The following EHD4 variants were observed in gnomAD, a reference collection of about 807,000 sequenced individuals.
EHD4 encodes the protein EH domain containing 4.
Under a neutral mutation model 51.0 loss-of-function variants are expected in EHD4, and 37 were observed. That is an observed-to-expected ratio of 0.73 (90% CI 0.56 to 0.95). The LOEUF (loss-of-function observed/expected upper bound fraction) is 0.95. Among genes scored for constraint, EHD4 ranks in the 40% least tolerant of loss-of-function variants. EHD4 has a pLI of 0.00. For missense variants in EHD4, 632 were observed against 733.1 expected (o/e 0.86, Z 1.59); for synonymous variants, 297 against 317.3 (o/e 0.94, Z 0.68).
intron 2 of EHD4, among the ~76,000 whole-genome samples, chr15:41,952,377 C>T (rs1266038161): frequency 6.6e-6 from 1 of 152,156 alleles, no homozygotes; most frequent in Non-Finnish European, 1.5e-5. Context: ...CAACCCACTC[C>T]TCCAAATCAG....
chr15:41,916,194 T>C (rs1285713453), intron 4 of EHD4, among the ~76,000 whole-genome samples: 2 of 152,222 alleles, frequency 1.3e-5, no homozygotes, highest in African/African-American at 4.8e-5. Context: ...AGGGTTTCTG[T>C]GGATGGAGAC....
intron 3 of EHD4, among the ~76,000 whole-genome samples, chr15:41,934,562 C>T (rs866163089): frequency 2.3e-4 from 35 of 152,204 alleles, no homozygotes; most frequent in African/African-American, 7.9e-4. Context: ...GTGATCCTCT[C>T]GACTCAGCCT....
At position 41,901,379 on chromosome 15, in the gene EHD4, T is replaced by A. The variant is rs562275453; in HGVS notation, c.1090-198A>T. 4.6e-5 allele frequency among the ~76,000 whole-genome samples: 7 copies of A among 152,336 alleles called. No individual in the cohort carries two copies. In the South Asian group the frequency reaches 1.5e-3, roughly 32 times the overall value. On this transcript the variant is annotated intron_variant, in intron 5 of 5. Transcript: ENST00000220325. The stretch of plus-strand genomic sequence containing the variant: ...TTTTGGAACAAGAAACAAGTGTTTT[T>A]CCTATGGCAGCCAATCTCTGCTGGT...
chr15:41,917,005 G>A (rs1381771868), intron 4 of EHD4, among the ~76,000 whole-genome samples: 2 of 152,206 alleles, frequency 1.3e-5, no homozygotes, highest in South Asian at 2.1e-4. Flanking sequence ...AACCCAGGCC[G>A]CGCTGGCCCG....
intron 1 of EHD4, among the ~76,000 whole-genome samples, chr15:41,964,982 G>A (rs1261496820): frequency 2.0e-5 from 3 of 152,038 alleles, no homozygotes; most frequent in African/African-American, 7.2e-5. Flanking sequence ...ATGTTGCCCA[G>A]GCTGATCTTG....
chr15:41,916,138 C>G (rs555738411), intron 4 of EHD4, among the ~76,000 whole-genome samples: 9 of 152,290 alleles, frequency 5.9e-5, no homozygotes, highest in Non-Finnish European at 1.0e-4. Flanking sequence ...GAAAACTTAC[C>G]CTTTGCATGT....
At position 41,972,517 on chromosome 15, in the gene EHD4, A is replaced by G; in HGVS notation, c.-23T>C. The stretch of plus-strand genomic sequence containing the variant: ...CATCCTGCCGCCAGTCCACGCTCGG[A>G]TGGGACCCTGCTCCGGGTTCGACTC... On this transcript the variant is annotated 5_prime_UTR_variant, in exon 1 of 6. Coordinates refer to ENST00000220325, the MANE Select transcript of EHD4 (RefSeq NM_139265.4). The G allele has an allele frequency of 2.0e-6, 3 of 1,481,308 alleles. No homozygotes were observed. The highest frequency in any genetic ancestry group is 2.7e-5 in the East Asian group (1 of 36,942). 91.8% of individuals were successfully genotyped at this position (1,481,308 alleles called of 1,614,324 possible).
At chr15:41,913,708 T>C (rs1350889561) in intron 4 of EHD4, among the ~76,000 whole-genome samples, 1 of 152,226 alleles carries the variant, frequency 6.6e-6, no homozygotes, top group Admixed American at 6.5e-5. Flanking sequence ...CCCGGCTGGT[T>C]ACTCCTTACC....
intron 3 of EHD4, among the ~76,000 whole-genome samples, 172 bp from the exon 4 acceptor site, chr15:41,919,794 T>C (rs1704397): frequency 0.13 from 19,725 of 151,972 alleles, 1,989 homozygotes; most frequent in African/African-American, 0.28. Context: ...TGAATCCGGG[T>C]GGGAAGGACC....
At chr15:41,919,663 A>G (rs750488317) in intron 3 of EHD4, 41 bp from the exon 4 acceptor site, 1 of 1,482,928 alleles carries the variant, frequency 6.7e-7, no homozygotes, top group Non-Finnish European at 8.9e-7. Context: ...CCACTGCTGC[A>G]GGAGACACGT....
At chr15:41,904,489 G>A (rs1212054649) in intron 5 of EHD4, among the ~76,000 whole-genome samples, 2 of 152,134 alleles carry the variant, frequency 1.3e-5, no homozygotes, top group South Asian at 2.1e-4. Flanking sequence ...TTCTTATTGG[G>A]ATGAATACAC....
rs1482340401 is a variant in EHD4 at position 41,901,009 on chromosome 15, G to A, written c.1262C>T (p.Thr421Ile). ...GTAGCCCTGGTTGAAGGGGCCCTCG[G>A]TGGTGCCATCGAAGGCGCCGCCCTG... Reference protein sequence around the residue: ...LVQGGAFDGTTEGPFNQGYGE... With the variant: ...LVQGGAFDGTIEGPFNQGYGE... The change falls in exon 6 of 6, where the codon ACC (threonine) becomes ATC (isoleucine). Residue 421 changes from threonine (T) to isoleucine (I), a missense_variant. By Grantham distance (89) the Thr-to-Ile change is moderately conservative (BLOSUM62 -1). Transcript: ENST00000220325. 1 of 1,608,596 alleles carries A rather than the reference G, an allele frequency of 6.2e-7. No homozygotes were observed. Among genetic ancestry groups the A allele is most frequent in the African/African-American group, 1.3e-5 (1 of 74,852 alleles).
intron 3 of EHD4, among the ~76,000 whole-genome samples, chr15:41,923,833 T>C (rs1030418): frequency 0.054 from 8,190 of 152,330 alleles, 315 homozygotes; most frequent in Non-Finnish European, 0.07. Context: ...AACATGCTTA[T>C]CTGAAGACAG....
In EHD4 at chr15:41,900,619, T is replaced by A. The variant is rs2067469311; in HGVS notation, c.*26A>T. 2 of 1,546,724 alleles carry A rather than the reference T, an allele frequency of 1.3e-6. No individual in the cohort carries two copies. Among genetic ancestry groups the A allele is most frequent in the Non-Finnish European group, 1.7e-6 (2 of 1,150,318 alleles). ...AGGCCTGAGGCCCAGGTCCCCCAGT[T>A]CCCACCCCGTTCTGCAGCCCACCCC... On this transcript the variant is annotated 3_prime_UTR_variant, in exon 6 of 6. Coordinates refer to ENST00000220325, the MANE Select transcript of EHD4 (RefSeq NM_139265.4). The surrounding 1 kb of genome is among the most constrained non-coding windows in gnomAD (Gnocchi z 4.8).
At chr15:41,905,170 G>A (rs183531952) in intron 5 of EHD4, among the ~76,000 whole-genome samples, 18 of 152,270 alleles carry the variant, frequency 1.2e-4, no homozygotes, top group African/African-American at 3.6e-4. Context: ...CCACACACGC[G>A]CCCCTCAAAG....
At position 41,909,962 on chromosome 15, in the gene EHD4, G is replaced by T. The variant is rs2067538618; in HGVS notation, c.925-99C>A. 8 of 1,465,188 alleles carry T rather than the reference G, an allele frequency of 5.5e-6. No homozygotes were observed. In the East Asian group the frequency reaches 1.8e-4, roughly 33 times the overall value. The allele number at this position is 1,465,188 out of a possible 1,614,324, so 90.8% of individuals were successfully genotyped here. A position where few individuals can be genotyped will look rare whatever the true frequency, so the allele number is the denominator to read the frequency against. On this transcript the variant is annotated intron_variant, in intron 4 of 5. Coordinates refer to ENST00000220325, the MANE Select transcript of EHD4 (RefSeq NM_139265.4). ...TTAACTCCATCATAACACATAACAG[G>T]TACCCACACAAACCAGGTCCCAAGG...
intron 5 of EHD4, among the ~76,000 whole-genome samples, chr15:41,904,353 C>T (rs973170019): frequency 3.3e-5 from 5 of 152,094 alleles, no homozygotes; most frequent in African/African-American, 4.8e-5. Context: ...CATTCTCATC[C>T]CTGTGGTCCC....
intron 5 of EHD4, among the ~76,000 whole-genome samples, chr15:41,907,398 C>T (rs1251775857): frequency 1.3e-5 from 2 of 152,186 alleles, no homozygotes; most frequent in East Asian, 1.9e-4. Flanking sequence ...AGGGAGACTG[C>T]TCCTGGAGGC....
intron 1 of EHD4, among the ~76,000 whole-genome samples, chr15:41,965,299 A>G (rs991105088): frequency 2.0e-5 from 3 of 152,224 alleles, no homozygotes; most frequent in Non-Finnish European, 4.4e-5. Context: ...TCATCGTATC[A>G]TATTAAGCAA....
Sources: allele counts gnomAD v4.1 joint callset (sites outside exome capture counted in the v4.1 genomes callset), GRCh38; gene constraint gnomAD v4.1.1; non-coding constraint Gnocchi (gnomAD v3.1); transcripts MANE v1.5; gene names NCBI Gene and HGNC (gene_info 2026-07-23, HGNC 2026-07-21).